The following BICD1 variants were observed in gnomAD, a reference collection of about 807,000 sequenced individuals.
BICD1 encodes the protein protein bicaudal D homolog 1.
In BICD1, 35 loss-of-function variants were observed where a neutral mutation model predicts 92.5. The ratio of observed to expected loss-of-function variants is 0.38; its 90% confidence interval spans 0.29 to 0.50. The LOEUF is 0.50. BICD1 is among the 20% of genes least tolerant of loss of function. BICD1 has a pLI of 0.93. For missense variants in BICD1, 950 were observed against 1,189.8 expected, an observed-to-expected ratio of 0.80 and a Z score of 2.97; for synonymous variants, 429 against 465.1, an observed-to-expected ratio of 0.92 and a Z score of 1.00.
chr12:32,359,866 C>G (rs990537027), intron 8 of BICD1, among the ~76,000 whole-genome samples: 2 of 152,102 alleles, frequency 1.3e-5, no homozygotes, highest in Non-Finnish European at 2.9e-5. Flanking sequence ...TCATCAACTT[C>G]CATTTCTCCT....
intron 1 of BICD1, among the ~76,000 whole-genome samples, chr12:32,162,537 C>T (rs989843043): frequency 2.6e-5 from 4 of 152,160 alleles, no homozygotes; most frequent in Non-Finnish European, 5.9e-5. Context: ...CAAAATATGG[C>T]TTTGAGGAAT....
intron 1 of BICD1, among the ~76,000 whole-genome samples, chr12:32,192,666 T>C (rs1247530387): frequency 6.6e-6 from 1 of 152,124 alleles, no homozygotes; most frequent in Non-Finnish European, 1.5e-5. Flanking sequence ...GACTGGTTCA[T>C]GAGATTTAAG....
chr12:32,167,483 T>C (rs1943801441), intron 1 of BICD1, among the ~76,000 whole-genome samples: 2 of 151,636 alleles, frequency 1.3e-5, no homozygotes, highest in African/African-American at 4.9e-5. Context: ...TGAGACGGAG[T>C]CTTGCACTGT....
Position 32,309,271 on chromosome 12 carries a change from C to T in BICD1, c.1005+3149C>T, listed in dbSNP as rs150876866. Among the ~76,000 whole-genome samples the T allele has an allele frequency of 1.4e-3, 219 of 152,162 alleles. 1 individual carries two copies. Among genetic ancestry groups the T allele is most frequent in the South Asian group, 3.3e-3 (16 of 4,806 alleles). On this transcript the variant is annotated intron_variant, in intron 4 of 9. Coordinates refer to ENST00000652176, the MANE Select transcript of BICD1 (RefSeq NM_001714.4). The stretch of plus-strand genomic sequence containing the variant: ...GTCTGATCAATGAGAGTACTGTGCA[C>T]CTGAAGCATATATGTGTCAGTACCA...
At chr12:32,280,800 A>G (rs766803959) in intron 2 of BICD1, among the ~76,000 whole-genome samples, 8 of 152,134 alleles carry the variant, frequency 5.3e-5, no homozygotes, top group South Asian at 4.2e-4. Context: ...GTCCAGCCCT[A>G]TGCTTTTTAT....
chr12:32,107,553 C>G lies in BICD1; in HGVS notation c.213+9C>G, dbSNP rs1291941820. On this transcript the variant is annotated intron_variant, in intron 1 of 9. Transcript: ENST00000652176. ...TGGAGCAGCTCAAAGAGGTGAGTTG[C>G]CTGTCACCTCTCCCTTTCCTGGCCC... is the stretch of plus-strand genomic sequence containing the variant. The G allele has an allele frequency of 6.4e-7, 1 of 1,568,692 alleles. No individual in the cohort carries two copies. Among genetic ancestry groups the G allele is most frequent in the East Asian group, 2.3e-5 (1 of 42,844 alleles).
chr12:32,348,454 T>G (rs529324259), intron 8 of BICD1, among the ~76,000 whole-genome samples: 1 of 151,634 alleles, frequency 6.6e-6, no homozygotes, highest in East Asian at 2.0e-4. Context: ...CTCTAATATA[T>G]CCATAAAGTG....
intron 8 of BICD1, among the ~76,000 whole-genome samples, chr12:32,358,805 G>A (rs556941305): frequency 1.3e-5 from 2 of 152,140 alleles, no homozygotes; most frequent in Non-Finnish European, 2.9e-5. Context: ...AAAATAAAAT[G>A]TATCTCATAG....
chr12:32,131,533 A>G (rs2121302514), intron 1 of BICD1, among the ~76,000 whole-genome samples: 1 of 152,344 alleles, frequency 6.6e-6, no homozygotes, highest in Admixed American at 6.5e-5. Flanking sequence ...TTTGTGAAAC[A>G]GTTGCATGGT....
chr12:32,154,039 AG>A, intron 1 of BICD1, among the ~76,000 whole-genome samples: 1 of 151,982 alleles, frequency 6.6e-6, no homozygotes, highest in Non-Finnish European at 1.5e-5. Context: ...CAGACGGGAA[AG>A]GGACTCTCAC....
intron 8 of BICD1, chr12:32,340,670 A>G (rs1426185766): frequency 2.7e-5 from 9 of 333,770 alleles, no homozygotes; most frequent in Non-Finnish European, 3.8e-5. Context: ...TTATATTGTT[A>G]TCATTACATT....
chr12:32,279,897 G>A lies in BICD1; in HGVS notation c.427-14097G>A, dbSNP rs555837810. Among the ~76,000 whole-genome samples the A allele has an allele frequency of 7.2e-5, 11 of 152,248 alleles. 1 individual carries two copies. The highest frequency in any genetic ancestry group is 2.1e-4 in the South Asian group (1 of 4,826). ...GGTGGATCACCGGGGTCGGGAGTTC[G>A]AGACCAGCCTGACTAACATGGTGAA... On this transcript the variant is annotated intron_variant, in intron 2 of 9. Coordinates refer to ENST00000652176, the MANE Select transcript of BICD1 (RefSeq NM_001714.4).
chr12:32,300,824 T>TTA (rs142986252), intron 3 of BICD1, among the ~76,000 whole-genome samples: 36 of 150,956 alleles, frequency 2.4e-4, no homozygotes, highest in African/African-American at 8.5e-4. Context: ...TTTTTTTTTT[T>TTA]GTATTTTTAG....
chr12:32,245,250 GTTTTTTT>G (rs1264562131), intron 2 of BICD1, among the ~76,000 whole-genome samples: 1 of 119,554 alleles, frequency 8.4e-6, no homozygotes, highest in Non-Finnish European at 2.0e-5. Context: ...TTTGTTTTTT[GTTTTTTT>G]TTTTTTTGAG....
chr12:32,365,579 T>C (rs893230990), intron 8 of BICD1, among the ~76,000 whole-genome samples: 1 of 152,218 alleles, frequency 6.6e-6, no homozygotes, highest in African/African-American at 2.4e-5. Context: ...TATACCTCCC[T>C]GGCAATGTAA....
At chr12:32,189,992 C>T (rs985932464) in intron 1 of BICD1, among the ~76,000 whole-genome samples, 2 of 152,126 alleles carry the variant, frequency 1.3e-5, no homozygotes, top group Non-Finnish European at 2.9e-5. Context: ...AGCCACCGCA[C>T]CTGGCAAGTG....
chr12:32,311,289 A>G lies in BICD1; in HGVS notation c.1005+5167A>G, dbSNP rs185319359. ...AAGGTGGGTGGATCATGAAGTCAAG[A>G]GATTGAGACCATCCTGGCCAACATG... On this transcript the variant is annotated intron_variant, in intron 4 of 9. Transcript: ENST00000652176. 5.1e-3 allele frequency among the ~76,000 whole-genome samples: 775 copies of G among 152,300 alleles called. 6 individuals carry two copies. Among genetic ancestry groups the G allele is most frequent in the African/African-American group, 0.017 (712 of 41,572 alleles).
chr12:32,357,685 G>A (rs1335068077), intron 8 of BICD1, among the ~76,000 whole-genome samples: 1 of 152,118 alleles, frequency 6.6e-6, no homozygotes, highest in Non-Finnish European at 1.5e-5. Context: ...TCCTTGGATT[G>A]CAGAAGGCCA....
At chr12:32,267,994 G>C (rs1282092923) in intron 2 of BICD1, among the ~76,000 whole-genome samples, 1 of 151,998 alleles carries the variant, frequency 6.6e-6, no homozygotes, top group African/African-American at 2.4e-5. Flanking sequence ...TTGAAGAAAT[G>C]GTGTCTTACT....
Sources: gnomAD v4.1 joint callset for allele counts (sites outside exome capture counted in the v4.1 genomes callset) on GRCh38, gnomAD v4.1.1 for gene constraint, MANE v1.5 for transcripts, NCBI Gene and HGNC (gene_info 2026-07-23, HGNC 2026-07-21) for gene names.